Variants in MYRFL observed in about 807,000 individuals in gnomAD.
MYRFL encodes the protein myelin regulatory factor-like protein.
In MYRFL, 88 loss-of-function variants were observed where a neutral mutation model predicts 109.4. The observed-to-expected ratio is 0.80, with a 90% confidence interval of 0.68 to 0.96. MYRFL has a LOEUF of 0.96. Among genes scored for constraint, MYRFL ranks in the 40% least tolerant of loss-of-function variants. MYRFL has a pLI of 0.00. For synonymous variants in MYRFL, 324 were observed against 320.9 expected (o/e 1.01, Z -0.10); for missense variants, 957 against 954.9 (o/e 1.00, Z -0.03).
chr12:69,944,464 C>T (rs1266090713), intron 19 of MYRFL, among the ~76,000 whole-genome samples: 1 of 145,350 alleles, frequency 6.9e-6, no homozygotes, highest in Non-Finnish European at 1.5e-5. Context: ...TATTCTCACT[C>T]ATAGGTGGGA....
At chr12:69,894,368 A>C (rs952779571) in intron 8 of MYRFL, among the ~76,000 whole-genome samples, 4 of 152,224 alleles carry the variant, frequency 2.6e-5, no homozygotes, top group Non-Finnish European at 4.4e-5. Flanking sequence ...CTATGCATTG[A>C]AACTGTTGCA....
In MYRFL at chr12:69,897,246, G is replaced by A; in HGVS notation, c.1182G>A (p.Arg394=). 2.0e-5 allele frequency: 30 copies of A among 1,535,116 alleles called. No individual in the cohort carries two copies. The highest frequency in any genetic ancestry group is 2.6e-5 in the Non-Finnish European group (30 of 1,146,082). The change falls in exon 10 of 25, where the codon AGG becomes AGA. Residue 394 remains arginine, a splice_region_variant and synonymous_variant. Transcript: ENST00000552032. ...SAHISERIIV[R]ASNPGQFEND... ...ACATCTCTGAAAGGATCATTGTAAG[G>A]GTAAGCTCAGTTCTCTGACTTTTCT...
Position 69,932,862 on chromosome 12 carries a change from C to CGTGTGTGT in MYRFL, c.1916+277_1916+284dup, listed in dbSNP as rs3970822. On this transcript the variant is annotated intron_variant, in intron 16 of 24. Transcript: ENST00000552032. ...ATGTTTAGCAGCAAACTGTGCCTTT[C>CGTGTGTGT]GTGTGTGTGTGTGTGTGTGTTTGTG... Among the ~76,000 whole-genome samples the CGTGTGTGT allele has an allele frequency of 7.8e-3, 1,170 of 149,422 alleles. 8 individuals are homozygous for CGTGTGTGT. Among genetic ancestry groups the CGTGTGTGT allele is most frequent in the South Asian group, 0.029 (137 of 4,702 alleles).
At chr12:69,876,374 GTTTTGTTTTGT>G (rs1885662498) in intron 2 of MYRFL, among the ~76,000 whole-genome samples, 1 of 151,258 alleles carries the variant, frequency 6.6e-6, no homozygotes, top group Non-Finnish European at 1.5e-5. Context: ...GGTGTTTTTT[GTTTTGTTTTGT>G]TTTTGTTTTT....
intron 13 of MYRFL, among the ~76,000 whole-genome samples, chr12:69,923,093 G>A (rs1046673642): frequency 6.6e-6 from 1 of 152,146 alleles, no homozygotes; most frequent in Admixed American, 6.5e-5. Context: ...TAGGATTTTG[G>A]ATGCTTTTAA....
chr12:69,873,955 ACTT>A (rs1320494586), intron 2 of MYRFL, among the ~76,000 whole-genome samples: 2 of 151,468 alleles, frequency 1.3e-5, no homozygotes, highest in Non-Finnish European at 2.9e-5. Context: ...CTTTAGTTCT[ACTT>A]CTTTGCATTA....
intron 19 of MYRFL, among the ~76,000 whole-genome samples, chr12:69,939,633 C>T (rs1312450831): frequency 1.2e-4 from 18 of 152,128 alleles, no homozygotes; most frequent in African/African-American, 2.2e-4. Flanking sequence ...AAAATCAGAG[C>T]GCCTCTCCTC....
chr12:69,891,883 C>A (rs1326332055), intron 7 of MYRFL, among the ~76,000 whole-genome samples: 1 of 151,566 alleles, frequency 6.6e-6, no homozygotes, highest in Non-Finnish European at 1.5e-5. Context: ...CACTATGTTG[C>A]CTGGGCTGGG....
chr12:69,932,645 T>C (rs775511598), intron 16 of MYRFL, 47 bp downstream of exon 16: 9 of 1,383,358 alleles, frequency 6.5e-6, no homozygotes, highest in Admixed American at 2.0e-5. Context: ...TTTTGTTCCT[T>C]CCCATGTTTC....
intron 1 of MYRFL, among the ~76,000 whole-genome samples, chr12:69,837,220 T>C (rs11177893): frequency 0.11 from 16,383 of 152,196 alleles, 1,208 homozygotes; most frequent in Middle Eastern, 0.18. Flanking sequence ...GCTTCCGTAT[T>C]CTAGAACGAG....
At chr12:69,836,395 G>T (rs1186495631) in intron 1 of MYRFL, among the ~76,000 whole-genome samples, 1 of 152,146 alleles carries the variant, frequency 6.6e-6, no homozygotes, top group Non-Finnish European at 1.5e-5. Context: ...TGGAGGTGGA[G>T]CCCTAACTAG....
At position 69,876,300 on chromosome 12, in the gene MYRFL, C is replaced by T. The variant is rs559428315; in HGVS notation, c.138-2728C>T. Among the ~76,000 whole-genome samples, 99 of 152,296 alleles carry T rather than the reference C, an allele frequency of 6.5e-4. 1 individual carries two copies. Among genetic ancestry groups the T allele is most frequent in the Middle Eastern group, 3.4e-3 (1 of 294 alleles). On this transcript the variant is annotated intron_variant, in intron 2 of 24. Transcript: ENST00000552032. ...AACTCACTGTATGGCAGTACCTTCT[C>T]CAAGTTTCAGTGCCCACCACAATCT... is the stretch of plus-strand genomic sequence containing the variant.
chr12:69,860,480 T>A (rs1383832076), intron 2 of MYRFL, among the ~76,000 whole-genome samples: 2 of 152,320 alleles, frequency 1.3e-5, no homozygotes, highest in Admixed American at 6.5e-5. Flanking sequence ...TTAGTTTTTT[T>A]ATTCAGCGTA....
intron 15 of MYRFL, among the ~76,000 whole-genome samples, chr12:69,931,036 G>A (rs1320769555): frequency 6.6e-6 from 1 of 152,086 alleles, no homozygotes; most frequent in Non-Finnish European, 1.5e-5. Flanking sequence ...AAGTAGGCAG[G>A]CATTATTTTA....
chr12:69,837,350 C>T (rs961756280), intron 1 of MYRFL, among the ~76,000 whole-genome samples: 1 of 152,188 alleles, frequency 6.6e-6, no homozygotes, highest in Admixed American at 6.5e-5. Context: ...CCAACTCCCT[C>T]TTCAGGACAG....
intron 2 of MYRFL, among the ~76,000 whole-genome samples, chr12:69,873,415 A>G (rs1885474397): frequency 6.6e-6 from 1 of 152,020 alleles, no homozygotes; most frequent in Non-Finnish European, 1.5e-5. Context: ...TTTCCTTACT[A>G]TGTCAAGAAT....
At chr12:69,945,693 T>TA (rs1295654937) in intron 19 of MYRFL, among the ~76,000 whole-genome samples, 1 of 152,006 alleles carries the variant, frequency 6.6e-6, no homozygotes, top group African/African-American at 2.4e-5. Flanking sequence ...ATTTTCATGT[T>TA]AAAAAAATTA....
At chr12:69,837,721 G>A (rs1883031036) in intron 1 of MYRFL, among the ~76,000 whole-genome samples, 1 of 152,138 alleles carries the variant, frequency 6.6e-6, no homozygotes, top group Admixed American at 6.5e-5. Flanking sequence ...TCCTTCTGGA[G>A]CACACTTCCC....
intron 1 of MYRFL, among the ~76,000 whole-genome samples, chr12:69,841,952 A>G (rs1883268417): frequency 6.6e-6 from 1 of 152,180 alleles, no homozygotes; most frequent in East Asian, 1.9e-4. Flanking sequence ...TGCTTGTATT[A>G]GCCTCATTTT....
Sources: allele counts gnomAD v4.1 joint callset (sites outside exome capture counted in the v4.1 genomes callset), GRCh38; gene constraint gnomAD v4.1.1; transcripts MANE v1.5; gene names NCBI Gene and HGNC (gene_info 2026-07-23, HGNC 2026-07-21).